Variants in PTPRD observed in about 807,000 individuals in gnomAD.
PTPRD encodes receptor-type tyrosine-protein phosphatase delta.
In PTPRD, 34 loss-of-function variants were observed where a neutral mutation model predicts 214.5. The ratio of observed to expected loss-of-function variants is 0.16; its 90% CI spans 0.12 to 0.21. The LOEUF is 0.21. Among genes scored for constraint, PTPRD ranks in the 10% least tolerant of loss-of-function variants. The pLI is 1.00. For synonymous variants in PTPRD, 1,128 were observed against 845.7 expected, an observed-to-expected ratio of 1.33 and a Z score of -5.79; for missense variants, 2,545 against 2,398.7, an observed-to-expected ratio of 1.06 and a Z score of -1.27.
chr9:10,321,915 G>C (rs1055440309), intron 3 of PTPRD, among the ~76,000 whole-genome samples: 1 of 151,950 alleles, frequency 6.6e-6, no homozygotes, highest in African/African-American at 2.4e-5. Flanking sequence ...AAATGAATGT[G>C]TCAAAAAAGC....
At chr9:8,489,206 T>C (rs1032944618) in intron 27 of PTPRD, among the ~76,000 whole-genome samples, 2 of 152,226 alleles carry the variant, frequency 1.3e-5, no homozygotes, top group African/African-American at 4.8e-5. Flanking sequence ...TGTAGATGTA[T>C]ACATTTACTC....
intron 7 of PTPRD, among the ~76,000 whole-genome samples, chr9:9,687,865 C>G (rs951678072): frequency 6.6e-6 from 1 of 151,780 alleles, no homozygotes; most frequent in Non-Finnish European, 1.5e-5. Context: ...TTGTTTGGCT[C>G]TATGTCCCCA....
At chr9:9,762,365 G>C (rs979278586) in intron 6 of PTPRD, among the ~76,000 whole-genome samples, 4 of 152,084 alleles carry the variant, frequency 2.6e-5, no homozygotes, top group Non-Finnish European at 4.4e-5. Context: ...TACACTCTTG[G>C]TGTTCTCTTC....
intron 30 of PTPRD, among the ~76,000 whole-genome samples, chr9:8,479,814 T>G (rs1212342883): frequency 2.6e-5 from 4 of 152,230 alleles, no homozygotes; most frequent in Non-Finnish European, 5.9e-5. Flanking sequence ...GCTCTTTTCC[T>G]GAAGAGACAT....
intron 3 of PTPRD, among the ~76,000 whole-genome samples, chr9:10,106,868 G>A (rs894398841): frequency 6.6e-6 from 1 of 151,908 alleles, no homozygotes; most frequent in African/African-American, 2.4e-5. Flanking sequence ...ATACAGAAAG[G>A]AAAGGGAGAG....
chr9:8,525,231 C>A (rs748687863), intron 17 of PTPRD, 196 bp from the exon 18 acceptor site: 4 of 698,972 alleles, frequency 5.7e-6, no homozygotes, highest in African/African-American at 1.8e-5. Context: ...TTTTTTTTTA[C>A]ATCATCAATG....
At chr9:9,957,375 T>G (rs750597606) in intron 4 of PTPRD, among the ~76,000 whole-genome samples, 1 of 152,032 alleles carries the variant, frequency 6.6e-6, no homozygotes, top group Non-Finnish European at 1.5e-5. Flanking sequence ...CTTGTACACA[T>G]GCAGACAATA....
intron 2 of PTPRD, among the ~76,000 whole-genome samples, chr9:10,541,710 T>G (rs2059154670): frequency 6.6e-6 from 1 of 152,032 alleles, no homozygotes; most frequent in African/African-American, 2.4e-5. Context: ...GGCACTAACA[T>G]GTTTAATACT....
chr9:10,286,397 G>C (rs1326474183), intron 3 of PTPRD, among the ~76,000 whole-genome samples: 1 of 152,006 alleles, frequency 6.6e-6, no homozygotes, highest in African/African-American at 2.4e-5. Flanking sequence ...AGCCATAATT[G>C]TGTCATGGCA....
intron 9 of PTPRD, among the ~76,000 whole-genome samples, chr9:9,315,819 A>G (rs1365810207): frequency 6.9e-6 from 1 of 143,932 alleles, no homozygotes; most frequent in Non-Finnish European, 1.5e-5. Context: ...TTTCTGTATT[A>G]TAGTAGCAGA....
At chr9:9,169,970 G>A (rs1281067033) in intron 10 of PTPRD, among the ~76,000 whole-genome samples, 2 of 152,044 alleles carry the variant, frequency 1.3e-5, no homozygotes, top group Admixed American at 1.3e-4. Context: ...GATTAGAAGG[G>A]GTTGATATTT....
chr9:9,140,539 G>A (rs767869216), intron 10 of PTPRD, among the ~76,000 whole-genome samples: 2 of 152,176 alleles, frequency 1.3e-5, no homozygotes, highest in Non-Finnish European at 2.9e-5. Flanking sequence ...CTTTCAAGAC[G>A]CTGGGGATTG....
intron 4 of PTPRD, among the ~76,000 whole-genome samples, chr9:9,979,305 G>A (rs994089637): frequency 6.6e-5 from 10 of 151,852 alleles, no homozygotes; most frequent in African/African-American, 1.5e-4. Context: ...AAAATTTCAG[G>A]TATTTTGCTT....
At position 8,885,233 on chromosome 9, in the gene PTPRD, G is replaced by A. The variant is rs149960519; in HGVS notation, c.-104+133464C>T. 2.9e-3 allele frequency among the ~76,000 whole-genome samples: 443 copies of A among 152,224 alleles called. 2 individuals are homozygous for A. The highest frequency in any genetic ancestry group is 9.8e-3 in the African/African-American group (408 of 41,542). On this transcript the variant is annotated intron_variant, in intron 11 of 45. Coordinates refer to ENST00000381196, the MANE Select transcript of PTPRD (RefSeq NM_002839.4). ...TCACCATTCTGCAGTAAAACTCTGC[G>A]AGGAAGTTATTATTACCCTCATTTT...
Position 10,322,338 on chromosome 9 carries a change from C to T in PTPRD, c.-545+18625G>A, listed in dbSNP as rs137987549. Reference sequence around the variant, plus strand: ...CAACAAATGCAAGCTAAAGCTAGTACACAATAAGCTATGTTAGGAAGACAC... The same window carrying T: ...CAACAAATGCAAGCTAAAGCTAGTATACAATAAGCTATGTTAGGAAGACAC... On this transcript the variant is annotated intron_variant, in intron 3 of 45. Coordinates refer to ENST00000381196, the MANE Select transcript of PTPRD (RefSeq NM_002839.4). Among the ~76,000 whole-genome samples, 679 of 152,140 alleles carry T rather than the reference C, an allele frequency of 4.5e-3. 8 individuals carry two copies. Among genetic ancestry groups the T allele is most frequent in the African/African-American group, 0.015 (642 of 41,544 alleles).
intron 4 of PTPRD, among the ~76,000 whole-genome samples, chr9:10,017,022 A>T (rs1433283346): frequency 6.6e-6 from 1 of 152,176 alleles, no homozygotes; most frequent in Non-Finnish European, 1.5e-5. Flanking sequence ...GTCACGGTTG[A>T]AACACCTTTA....
chr9:9,601,149 GTA>G (rs1491523465), intron 7 of PTPRD, among the ~76,000 whole-genome samples: 2 of 87,748 alleles, frequency 2.3e-5, no homozygotes, highest in African/African-American at 1.3e-4. Context: ...GTGTGTGTGT[GTA>G]TGGGGGGGGG....
chr9:10,207,885 T>G (rs1375430035), intron 3 of PTPRD, among the ~76,000 whole-genome samples: 1 of 152,132 alleles, frequency 6.6e-6, no homozygotes, highest in Non-Finnish European at 1.5e-5. Flanking sequence ...TAAAAACTAA[T>G]TTTTAAAAAG....
At position 8,435,700 on chromosome 9, in the gene PTPRD, T is replaced by TATACAC. The variant is rs1554962028; in HGVS notation, c.4086+891_4086+892insGTGTAT. Among the ~76,000 whole-genome samples the TATACAC allele has an allele frequency of 3.6e-3, 542 of 148,870 alleles. 3 individuals are homozygous for TATACAC. Among genetic ancestry groups the TATACAC allele is most frequent in the Non-Finnish European group, 5.0e-3 (338 of 67,052 alleles). ...ATTGATATATACCACAATATCCAAA[T>TATACAC]ACACACACACACACACACACACACA... On this transcript the variant is annotated intron_variant, in intron 35 of 45. Transcript: ENST00000381196.
Sources: allele counts gnomAD v4.1 joint callset (sites outside exome capture counted in the v4.1 genomes callset), GRCh38; gene constraint gnomAD v4.1.1; transcripts MANE v1.5; gene names NCBI Gene and HGNC (gene_info 2026-07-23, HGNC 2026-07-21).